Variants in FHIP1A observed in about 807,000 individuals in gnomAD.
FHIP1A encodes FHF complex subunit HOOK interacting protein 1A, also known as FHF complex subunit HOOK-interacting protein 1A.
A neutral mutation model predicts 88.6 loss-of-function variants in FHIP1A; 61 were observed. That is an observed-to-expected ratio of 0.69 (90% CI 0.56 to 0.85). The LOEUF is 0.85. Among genes scored for constraint, FHIP1A ranks in the 40% least tolerant of loss-of-function variants. The pLI is 0.00. For synonymous variants in FHIP1A, 478 were observed against 496.0 expected (o/e 0.96, Z 0.48); for missense variants, 1,154 against 1,273.5 (o/e 0.91, Z 1.43).
At chr4:151,445,832 G>A (rs1728576747) in intron 1 of FHIP1A, among the ~76,000 whole-genome samples, 1 of 86,038 alleles carries the variant, frequency 1.2e-5, no homozygotes, top group African/African-American at 4.0e-5. Context: ...GCCAGCCTGA[G>A]AGACCTCATC....
At chr4:151,591,346 C>T (rs536682118) in intron 7 of FHIP1A, among the ~76,000 whole-genome samples, 4 of 151,950 alleles carry the variant, frequency 2.6e-5, no homozygotes, top group Non-Finnish European at 5.9e-5. Flanking sequence ...GGAGTGATAC[C>T]GAGAAGTCTG....
At position 151,578,204 on chromosome 4, in the gene FHIP1A, G is replaced by A. The variant is rs1228535066; in HGVS notation, c.732+128G>A. On this transcript the variant is annotated intron_variant, in intron 5 of 13. Coordinates refer to ENST00000435205, the MANE Select transcript of FHIP1A (RefSeq NM_001109977.3). ...TACTTGGCACTTCCTATGGAAGGATGTTTAGAGGAAATCTTTGGAGGGAGC... is the reference window on the plus strand; with the variant it reads ...TACTTGGCACTTCCTATGGAAGGATATTTAGAGGAAATCTTTGGAGGGAGC... 6 of 848,640 alleles carry A rather than the reference G, an allele frequency of 7.1e-6. No homozygotes were observed. The Admixed American group carries it at 1.7e-4, about 24-fold the overall frequency. The allele number at this position is 848,640 out of a possible 1,614,324, so 52.6% of individuals were successfully genotyped here. A position where few individuals can be genotyped will look rare whatever the true frequency, so the allele number is the denominator to read the frequency against.
intron 1 of FHIP1A, among the ~76,000 whole-genome samples, chr4:151,452,003 T>C (rs149512257): frequency 1.8e-4 from 28 of 152,150 alleles, no homozygotes; most frequent in African/African-American, 6.7e-4. Context: ...AATTTTTTTG[T>C]AGGGATATGG....
At chr4:151,551,428 A>G (rs755171470) in intron 3 of FHIP1A, among the ~76,000 whole-genome samples, 33 of 152,224 alleles carry the variant, frequency 2.2e-4, no homozygotes, top group Non-Finnish European at 4.4e-4. Context: ...ACCTGACTTC[A>G]AACTATACTA....
chr4:151,593,961 T>TTAGC (rs1200242290), intron 7 of FHIP1A, among the ~76,000 whole-genome samples: 1 of 152,240 alleles, frequency 6.6e-6, no homozygotes, highest in Non-Finnish European at 1.5e-5. Flanking sequence ...TTGAGAGTTT[T>TTAGC]TAGCGTGAAG....
intron 1 of FHIP1A, among the ~76,000 whole-genome samples, chr4:151,437,098 A>T (rs1378822543): frequency 6.6e-6 from 1 of 152,140 alleles, no homozygotes; most frequent in Non-Finnish European, 1.5e-5. Context: ...GAACTCATGG[A>T]TATGGATATG....
intron 3 of FHIP1A, among the ~76,000 whole-genome samples, chr4:151,538,673 T>C (rs1355069504): frequency 6.6e-6 from 1 of 152,212 alleles, no homozygotes; most frequent in African/African-American, 2.4e-5. Flanking sequence ...CTTCTGGTGT[T>C]GCCAGAAACT....
chr4:151,507,569 A>G (rs1029659385), intron 3 of FHIP1A, among the ~76,000 whole-genome samples: 3 of 152,148 alleles, frequency 2.0e-5, no homozygotes, highest in African/African-American at 7.2e-5. Flanking sequence ...TTTAATTTTC[A>G]TATCATTATA....
chr4:151,589,250 T>C (rs1734335975), intron 7 of FHIP1A, among the ~76,000 whole-genome samples: 1 of 152,206 alleles, frequency 6.6e-6, no homozygotes, highest in African/African-American at 2.4e-5. Flanking sequence ...TCTCCAAGGC[T>C]GAGTCTGTCA....
intron 7 of FHIP1A, among the ~76,000 whole-genome samples, chr4:151,626,112 C>T (rs1434658608): frequency 2.0e-5 from 3 of 152,166 alleles, no homozygotes; most frequent in African/African-American, 4.8e-5. Context: ...TAATGTATCA[C>T]ATTATGTATA....
rs188869917 is a variant in FHIP1A, at chr4:151,619,941, A to G, written c.979-9761A>G. ...ACTCACTAGCCAAAACATACATAGT[A>G]ACATCTAGATGCAAAGGAAGCAGGG... On this transcript the variant is annotated intron_variant, in intron 7 of 13. Transcript: ENST00000435205. 1.9e-3 allele frequency among the ~76,000 whole-genome samples: 287 copies of G among 152,286 alleles called. 2 individuals are homozygous for G. Among genetic ancestry groups the G allele is most frequent in the Middle Eastern group, 0.014 (4 of 294 alleles).
chr4:151,508,535 G>A lies in FHIP1A; in HGVS notation c.-123+25887G>A, dbSNP rs116272883. ...AATGATGAGTGGTGAGAAAGAACAG[G>A]CTGCCTTCTTCTCGCCCTGTAGGTG... On this transcript the variant is annotated intron_variant, in intron 3 of 13. Transcript: ENST00000435205. Among the ~76,000 whole-genome samples the A allele has an allele frequency of 9.2e-3, 1,397 of 152,288 alleles. 19 individuals carry two copies. The highest frequency in any genetic ancestry group is 0.031 in the African/African-American group (1,305 of 41,546).
chr4:151,512,503 C>T (rs1222085662), intron 3 of FHIP1A, among the ~76,000 whole-genome samples: 19 of 152,220 alleles, frequency 1.2e-4, no homozygotes, highest in Middle Eastern at 3.4e-3. Context: ...CAAACTACTC[C>T]GAGCTACAGG....
intron 7 of FHIP1A, among the ~76,000 whole-genome samples, chr4:151,624,824 C>G (rs771510591): frequency 6.6e-6 from 1 of 152,138 alleles, no homozygotes; most frequent in Non-Finnish European, 1.5e-5. Context: ...GGGGAGCCGA[C>G]GGGAGGGAGC....
chr4:151,629,605 G>C, intron 7 of FHIP1A, 97 bp from the exon 8 acceptor site: 3 of 1,073,168 alleles, frequency 2.8e-6, no homozygotes, highest in Non-Finnish European at 4.0e-6. Flanking sequence ...TTCTTGCCTT[G>C]ATGATGTCAC....
chr4:151,517,470 A>T (rs924840565), intron 3 of FHIP1A, among the ~76,000 whole-genome samples: 8 of 152,112 alleles, frequency 5.3e-5, no homozygotes, highest in South Asian at 2.1e-4. Flanking sequence ...TGATAAATTT[A>T]AAAAAATATA....
intron 1 of FHIP1A, among the ~76,000 whole-genome samples, chr4:151,446,434 A>G (rs1474950805): frequency 1.3e-5 from 2 of 148,992 alleles, no homozygotes; most frequent in Admixed American, 6.7e-5. Flanking sequence ...ACATAATGTC[A>G]TGGGATTTCT....
At chr4:151,657,650 C>T (rs1281832931) in intron 13 of FHIP1A, among the ~76,000 whole-genome samples, 1 of 152,164 alleles carries the variant, frequency 6.6e-6, no homozygotes, top group Non-Finnish European at 1.5e-5. Flanking sequence ...CAGGAATGCC[C>T]CATATTGCAC....
intron 10 of FHIP1A, among the ~76,000 whole-genome samples, chr4:151,647,515 G>T (rs1394185338): frequency 1.3e-5 from 2 of 152,106 alleles, no homozygotes; most frequent in Non-Finnish European, 2.9e-5. Flanking sequence ...TGTCCACCCA[G>T]CTATAATTTT....
Sources: gnomAD v4.1 joint callset for allele counts (sites outside exome capture counted in the v4.1 genomes callset) on GRCh38, gnomAD v4.1.1 for gene constraint, MANE v1.5 for transcripts, NCBI Gene and HGNC (gene_info 2026-07-23, HGNC 2026-07-21) for gene names.